RRM2: variants seen among roughly 807,000 people sequenced by gnomAD.
RRM2 encodes ribonucleotide reductase regulatory subunit M2.
Under a neutral mutation model 45.9 loss-of-function variants are expected in RRM2, and 6 were observed. The ratio of observed to expected loss-of-function variants is 0.13; its 90% confidence interval spans 0.07 to 0.26. The LOEUF is 0.26. Among genes scored for constraint, RRM2 ranks in the 10% least tolerant of loss-of-function variants. The probability of loss-of-function intolerance (pLI) is 1.00; values close to 1 mark genes in which losing one functional copy is unlikely to be tolerated. For missense variants in RRM2, 343 were observed against 489.5 expected (o/e 0.70, Z 2.82); for synonymous variants, 177 against 173.0 (o/e 1.02, Z -0.18).
At position 10,191,496 on chromosome 2, in the gene RRM2, G is replaced by C. The variant is rs532352603; in HGVS notation, n.483-18815G>C. On this transcript the variant is annotated intron_variant and non_coding_transcript_variant, in intron 3 of 3. Coordinates refer to the RRM2 transcript ENST00000381786. ...AGTGGGTGAGACCCAGAGAGGCTGT[G>C]CCTGTGAGCGGCTGGGCAGAGTGGG... Among the ~76,000 whole-genome samples the C allele has an allele frequency of 8.6e-4, 131 of 152,332 alleles. No individual in the cohort carries two copies. The Middle Eastern group carries it at 0.01, about 12-fold the overall frequency.
chr2:10,146,563 C>T (rs1663190906), intron 3 of RRM2, among the ~76,000 whole-genome samples: 1 of 152,202 alleles, frequency 6.6e-6, no homozygotes, highest in Non-Finnish European at 1.5e-5. Context: ...CTGCTAGCCC[C>T]CTTGCACTGG....
chr2:10,124,667 G>A (rs2125306287), intron 4 of RRM2, 50 bp from the exon 5 acceptor site: 1 of 1,608,280 alleles, frequency 6.2e-7, no homozygotes, highest in Non-Finnish European at 8.5e-7. Context: ...GTTGACAGTT[G>A]CTGCTGTTGG....
rs1572490728 is a variant in RRM2 at position 10,130,099 on chromosome 2, A to G, written c.*713A>G. On this transcript the variant is annotated 3_prime_UTR_variant, in exon 10 of 10. Coordinates refer to ENST00000304567, the MANE Select transcript of RRM2 (RefSeq NM_001034.4). Reference sequence around the variant, plus strand: ...CCCCCTCTGAGTAGAGTGTTGTGGGATAAAGGAATCTCTCAGGGCAAGGAG... The same window carrying G: ...CCCCCTCTGAGTAGAGTGTTGTGGGGTAAAGGAATCTCTCAGGGCAAGGAG... 6.6e-6 allele frequency: 1 copy of G among 152,198 alleles called. No individual in the cohort carries two copies. Among genetic ancestry groups the G allele is most frequent in the African/African-American group, 2.4e-5 (1 of 41,460 alleles). The allele number at this position is 152,198 out of a possible 1,614,324, so 9.4% of individuals were successfully genotyped here.
At chr2:10,191,719 C>G (rs866757651) in intron 3 of RRM2, among the ~76,000 whole-genome samples, 1 of 152,146 alleles carries the variant, frequency 6.6e-6, no homozygotes, top group African/African-American at 2.4e-5. Context: ...CCAGGCTAAC[C>G]TGCGGGGTCT....
chr2:10,176,712 A>C (rs1427775111), intron 3 of RRM2, among the ~76,000 whole-genome samples: 3 of 152,222 alleles, frequency 2.0e-5, no homozygotes, highest in African/African-American at 7.2e-5. Flanking sequence ...TGCTGTGTTA[A>C]GGATTCCATT....
At chr2:10,183,053 C>G (rs1015078948) in intron 3 of RRM2, among the ~76,000 whole-genome samples, 1 of 152,118 alleles carries the variant, frequency 6.6e-6, no homozygotes, top group East Asian at 1.9e-4. Flanking sequence ...GTGGCGCGTA[C>G]CCAGCTACTT....
At chr2:10,145,244 G>A (rs974895553) in intron 3 of RRM2, among the ~76,000 whole-genome samples, 5 of 152,174 alleles carry the variant, frequency 3.3e-5, no homozygotes, top group Admixed American at 3.3e-4. Flanking sequence ...GGGGTTTTTA[G>A]TGCTGTGCTG....
At chr2:10,199,800 A>AACAAAC (rs1558406239) in intron 3 of RRM2, among the ~76,000 whole-genome samples, 3 of 97,884 alleles carry the variant, frequency 3.1e-5, no homozygotes, top group African/African-American at 1.2e-4. Context: ...AAAAAAAAAA[A>AACAAAC]AAAAAAAAAC....
chr2:10,147,161 C>T (rs1329856657), intron 3 of RRM2, among the ~76,000 whole-genome samples: 1 of 152,112 alleles, frequency 6.6e-6, no homozygotes, highest in African/African-American at 2.4e-5. Context: ...CCTTGTTGGC[C>T]AGGATGGACT....
chr2:10,139,845 C>A (rs566532510), upstream of RRM2, among the ~76,000 whole-genome samples: 1 of 152,358 alleles, frequency 6.6e-6, no homozygotes, highest in Non-Finnish European at 1.5e-5. Context: ...CCTTCCTCCA[C>A]CCCTGGATCC....
At chr2:10,142,375 G>A (rs1217910164) in exon 3 of RRM2, 3 of 1,371,140 alleles carry the variant, frequency 2.2e-6, no homozygotes, top group Non-Finnish European at 2.9e-6. Context: ...GCAGCTTTCA[G>A]GTGAGAAATG....
intron 3 of RRM2, among the ~76,000 whole-genome samples, chr2:10,193,251 C>G (rs1333021082): frequency 2.6e-5 from 4 of 152,196 alleles, no homozygotes. Flanking sequence ...ATTTGGGAAG[C>G]CCTGGCCAGA....
rs983263669 is a variant in RRM2 at position 10,130,470 on chromosome 2, T to C, written c.*1084T>C. ...ATCAGAAATTTTTTATTATCTATGT[T>C]CTTCTAGATTTTACCTGTAGTTCAT... On this transcript the variant is annotated 3_prime_UTR_variant, in exon 10 of 10. Transcript: ENST00000304567. 7.3e-5 allele frequency: 11 copies of C among 150,910 alleles called. No homozygotes were observed. Among genetic ancestry groups the C allele is most frequent in the Non-Finnish European group, 7.3e-5 (5 of 68,034 alleles). 9.3% of individuals were successfully genotyped at this position (150,910 alleles called of 1,614,324 possible). A position where few individuals can be genotyped will look rare whatever the true frequency, so the allele number is the denominator to read the frequency against.
chr2:10,146,264 T>C (rs1463388507), intron 3 of RRM2: 1 of 152,182 alleles, frequency 6.6e-6, no homozygotes, highest in East Asian at 1.9e-4. Context: ...GCCCCCTCTC[T>C]TTTCCATGCC....
intron 3 of RRM2, among the ~76,000 whole-genome samples, chr2:10,145,127 C>A (rs1663162848): frequency 6.6e-6 from 1 of 152,082 alleles, no homozygotes; most frequent in Non-Finnish European, 1.5e-5. Flanking sequence ...CTCTTGCATT[C>A]CAGGCAGGTA....
At chr2:10,184,113 A>AAAAAAAAAAAAAAAAC (rs1664115690) in intron 3 of RRM2, among the ~76,000 whole-genome samples, 3 of 148,296 alleles carry the variant, frequency 2.0e-5, no homozygotes, top group Non-Finnish European at 3.0e-5. Flanking sequence ...AAAAAAAAAA[A>AAAAAAAAAAAAAAAAC]AAAAAAAGCA....
chr2:10,165,955 C>T (rs1663669934), intron 3 of RRM2, among the ~76,000 whole-genome samples: 1 of 152,150 alleles, frequency 6.6e-6, no homozygotes, highest in Non-Finnish European at 1.5e-5. Flanking sequence ...TGCCTAGAAG[C>T]TCTGGGCAGC....
chr2:10,133,603 T>C (rs1185945988), downstream of RRM2, among the ~76,000 whole-genome samples: 1 of 152,092 alleles, frequency 6.6e-6, no homozygotes, highest in African/African-American at 2.4e-5. Flanking sequence ...CAGCAGTCCC[T>C]GAGTATAGAG....
chr2:10,144,376 T>C (rs1663147236), intron 3 of RRM2, among the ~76,000 whole-genome samples: 1 of 152,250 alleles, frequency 6.6e-6, no homozygotes, highest in South Asian at 2.1e-4. Flanking sequence ...GATGTTCACA[T>C]GATGTGGTGG....
Sources: allele counts gnomAD v4.1 joint callset (sites outside exome capture counted in the v4.1 genomes callset), GRCh38; gene constraint gnomAD v4.1.1; transcripts MANE v1.5; gene names NCBI Gene and HGNC (gene_info 2026-07-23, HGNC 2026-07-21).